The following PCDH9 variants were observed in gnomAD, a reference collection of about 807,000 sequenced individuals.
PCDH9 encodes the protein protocadherin-9.
In PCDH9, 24 loss-of-function variants were observed where a neutral mutation model predicts 70.6. That is an observed-to-expected ratio of 0.34 (90% confidence interval 0.25 to 0.48). PCDH9 has a LOEUF of 0.48. Among genes scored for constraint, PCDH9 ranks in the 20% least tolerant of loss-of-function variants. The pLI is 0.99. For missense variants in PCDH9, 1,281 were observed against 1,503.6 expected, an observed-to-expected ratio of 0.85 and a Z score of 2.45; for synonymous variants, 562 against 558.5, an observed-to-expected ratio of 1.01 and a Z score of -0.09.
intron 2 of PCDH9, among the ~76,000 whole-genome samples, chr13:66,974,404 C>T (rs77407244): frequency 0.016 from 2,379 of 151,964 alleles, 73 homozygotes; most frequent in African/African-American, 0.054. Flanking sequence ...CTAATGCCTA[C>T]GTGGTTCAAG....
Position 66,304,170 on chromosome 13 carries a change from T to A in PCDH9, c.*485A>T, listed in dbSNP as rs1168901887. 1 of 152,796 alleles carries A rather than the reference T, an allele frequency of 6.5e-6. No homozygotes were observed. The highest frequency in any genetic ancestry group is 1.4e-5 in the Non-Finnish European group (1 of 69,168). The allele number at this position is 152,796 out of a possible 1,614,324, so 9.5% of individuals were successfully genotyped here. A position where few individuals can be genotyped will look rare whatever the true frequency, so the allele number is the denominator to read the frequency against. Reference sequence around the variant, plus strand: ...TTGACTTACAAGTGTCCACTAACGTTGTTAACAGCACAATAGGTTTAATGC... The same window carrying A: ...TTGACTTACAAGTGTCCACTAACGTAGTTAACAGCACAATAGGTTTAATGC... On this transcript the variant is annotated 3_prime_UTR_variant, in exon 5 of 5. Transcript: ENST00000377865.
chr13:66,813,088 G>T lies in PCDH9; in HGVS notation c.3138+90416C>A, dbSNP rs558897687. Among the ~76,000 whole-genome samples, 5 of 152,268 alleles carry T rather than the reference G, an allele frequency of 3.3e-5. No homozygotes were observed. The South Asian group carries it at 1.0e-3, about 32-fold the overall frequency. On this transcript the variant is annotated intron_variant, in intron 3 of 4. Coordinates refer to ENST00000377865, the MANE Select transcript of PCDH9 (RefSeq NM_203487.3). ...CTGTTCATTTTCCTATTTCCTGACA[G>T]GAGCATTAGGAATTGAATCAGTGAT...
chr13:67,025,088 C>T (rs574904664), intron 2 of PCDH9, among the ~76,000 whole-genome samples: 1 of 152,194 alleles, frequency 6.6e-6, no homozygotes, highest in Non-Finnish European at 1.5e-5. Context: ...AAATTGGGAG[C>T]TACACATTCT....
At chr13:67,044,736 A>G (rs2085189658) in intron 2 of PCDH9, among the ~76,000 whole-genome samples, 1 of 152,156 alleles carries the variant, frequency 6.6e-6, no homozygotes, top group South Asian at 2.1e-4. Flanking sequence ...ATTCAAGAAT[A>G]TGAGCAAATT....
At chr13:66,481,819 A>C (rs1958843310) in intron 4 of PCDH9, among the ~76,000 whole-genome samples, 1 of 152,174 alleles carries the variant, frequency 6.6e-6, no homozygotes, top group African/African-American at 2.4e-5. Context: ...TTCTTGAATT[A>C]AGCAAAATCT....
At chr13:66,503,437 C>T (rs1959187543) in intron 4 of PCDH9, among the ~76,000 whole-genome samples, 1 of 152,258 alleles carries the variant, frequency 6.6e-6, no homozygotes, top group Non-Finnish European at 1.5e-5. Flanking sequence ...ATTCATATAA[C>T]CTCTTCTATG....
At chr13:66,351,297 C>A (rs1956287615) in intron 4 of PCDH9, among the ~76,000 whole-genome samples, 1 of 152,006 alleles carries the variant, frequency 6.6e-6, no homozygotes, top group Non-Finnish European at 1.5e-5. Flanking sequence ...ATGATAGGAA[C>A]TAATAATGGA....
intron 2 of PCDH9, among the ~76,000 whole-genome samples, chr13:67,006,415 T>A (rs1447416031): frequency 2.0e-5 from 3 of 152,232 alleles, no homozygotes; most frequent in African/African-American, 7.2e-5. Context: ...GAATCTTGGC[T>A]GAAATTATCA....
intron 4 of PCDH9, among the ~76,000 whole-genome samples, chr13:66,389,529 C>T (rs532762384): frequency 6.6e-6 from 1 of 152,252 alleles, no homozygotes; most frequent in Non-Finnish European, 1.5e-5. Flanking sequence ...TTGTACATAA[C>T]TTTAATGGTA....
intron 4 of PCDH9, among the ~76,000 whole-genome samples, chr13:66,578,379 A>AT (rs559521210): frequency 8.1e-4 from 120 of 149,038 alleles, no homozygotes; most frequent in African/African-American, 1.4e-3. Flanking sequence ...CATGAGCTAC[A>AT]TTTTTTTTTT....
chr13:66,597,886 A>G (rs529640380), intron 4 of PCDH9, among the ~76,000 whole-genome samples: 5 of 151,708 alleles, frequency 3.3e-5, no homozygotes, highest in Non-Finnish European at 7.4e-5. Context: ...CTCAGTAACA[A>G]ATTTAAAAAA....
chr13:66,343,003 CAG>C (rs1427034733), intron 4 of PCDH9, among the ~76,000 whole-genome samples: 1 of 151,942 alleles, frequency 6.6e-6, no homozygotes, highest in Non-Finnish European at 1.5e-5. Flanking sequence ...TTTTGGTAAA[CAG>C]AGATCCCTTT....
intron 3 of PCDH9, among the ~76,000 whole-genome samples, chr13:66,739,870 A>G (rs2079226998): frequency 7.4e-6 from 1 of 135,742 alleles, no homozygotes; most frequent in African/African-American, 2.7e-5. Flanking sequence ...AAAGAGACTT[A>G]GACTCCCACA....
intron 4 of PCDH9, among the ~76,000 whole-genome samples, chr13:66,527,288 T>C (rs1266687635): frequency 6.6e-6 from 1 of 152,080 alleles, no homozygotes; most frequent in Non-Finnish European, 1.5e-5. Context: ...AAGAAAAATT[T>C]CAGACCAGCA....
intron 4 of PCDH9, among the ~76,000 whole-genome samples, chr13:66,583,070 C>T (rs1223931134): frequency 6.7e-6 from 1 of 149,002 alleles, no homozygotes; most frequent in Non-Finnish European, 1.5e-5. Flanking sequence ...CACACATGGG[C>T]ATAAGAATGC....
At chr13:67,026,042 C>T (rs2084773973) in intron 2 of PCDH9, among the ~76,000 whole-genome samples, 1 of 152,094 alleles carries the variant, frequency 6.6e-6, no homozygotes, top group African/African-American at 2.4e-5. Context: ...AGAAGACAAA[C>T]TAAAACTACA....
At chr13:66,540,068 G>T (rs1960885348) in intron 4 of PCDH9, among the ~76,000 whole-genome samples, 1 of 151,390 alleles carries the variant, frequency 6.6e-6, no homozygotes, top group Non-Finnish European at 1.5e-5. Flanking sequence ...CAGAGACAGG[G>T]TTTCACTATG....
At chr13:66,871,383 TATA>T (rs1382164474) in intron 3 of PCDH9, among the ~76,000 whole-genome samples, 3 of 150,032 alleles carry the variant, frequency 2.0e-5, no homozygotes, top group Non-Finnish European at 3.0e-5. Flanking sequence ...AAACTTAAAG[TATA>T]ATAATAATAA....
At chr13:66,951,859 C>T (rs1381908917) in intron 2 of PCDH9, among the ~76,000 whole-genome samples, 3 of 152,118 alleles carry the variant, frequency 2.0e-5, no homozygotes, top group Non-Finnish European at 4.4e-5. Context: ...CTTCTAAGTG[C>T]CTGCGGGGAT....
Sources: gnomAD v4.1 joint callset for allele counts (sites outside exome capture counted in the v4.1 genomes callset) on GRCh38, gnomAD v4.1.1 for gene constraint, MANE v1.5 for transcripts, NCBI Gene and HGNC (gene_info 2026-07-23, HGNC 2026-07-21) for gene names.